Variants in PTPRM observed in about 807,000 individuals in gnomAD.
PTPRM encodes protein tyrosine phosphatase receptor type M.
A neutral mutation model predicts 186.7 loss-of-function variants in PTPRM; 47 were observed. That is an observed-to-expected ratio of 0.25 (90% confidence interval 0.20 to 0.32). The LOEUF is 0.32. Among genes scored for constraint, PTPRM ranks in the 10% least tolerant of loss-of-function variants. The pLI, the probability that PTPRM is intolerant of heterozygous loss-of-function variation, is 1.00. For missense variants in PTPRM, 1,494 were observed against 1,865.0 expected (o/e 0.80, Z 3.66); for synonymous variants, 668 against 674.9 (o/e 0.99, Z 0.16).
intron 2 of PTPRM, among the ~76,000 whole-genome samples, chr18:7,887,427 A>G (rs1236529053): frequency 3.9e-5 from 6 of 152,110 alleles, no homozygotes; most frequent in Non-Finnish European, 5.9e-5. Flanking sequence ...TGTTGTGAGA[A>G]CACCTCCACT....
At chr18:7,888,435 A>C in intron 3 of PTPRM, 58 bp downstream of exon 3, 1 of 1,480,050 alleles carries the variant, frequency 6.8e-7, no homozygotes, top group Non-Finnish European at 9.0e-7. Context: ...TAAAAATATA[A>C]ATTATTGTTA....
In PTPRM at chr18:7,769,476, A is replaced by G. The variant is rs142622243; in HGVS notation, c.74-4673A>G. Among the ~76,000 whole-genome samples, 299 of 152,268 alleles carry G rather than the reference A, an allele frequency of 2.0e-3. 2 individuals are homozygous for G. The highest frequency in any genetic ancestry group is 6.7e-3 in the African/African-American group (278 of 41,558). ...ATTTTATAGATACTGTAAATTTATGATCAGTCATATTTTCTTCTTTGCACT... is the reference window on the plus strand; with the variant it reads ...ATTTTATAGATACTGTAAATTTATGGTCAGTCATATTTTCTTCTTTGCACT... On this transcript the variant is annotated intron_variant, in intron 1 of 32. Coordinates refer to ENST00000580170, the MANE Select transcript of PTPRM (RefSeq NM_001105244.2).
In PTPRM at chr18:7,881,163, C is replaced by G. The variant is rs935527672; in HGVS notation, c.197-6943C>G. Among the ~76,000 whole-genome samples, 3 of 152,114 alleles carry G rather than the reference C, an allele frequency of 2.0e-5. No individual in the cohort carries two copies. In the East Asian group the frequency reaches 5.8e-4, roughly 29 times the overall value. On this transcript the variant is annotated intron_variant, in intron 2 of 32. Transcript: ENST00000580170. The stretch of plus-strand genomic sequence containing the variant: ...TAAAGAACAATATATTGGCGTGGCA[C>G]AGTGGCTCACATCTGTAATCACAGC...
chr18:7,938,600 A>G (rs999365694), intron 5 of PTPRM, among the ~76,000 whole-genome samples: 2 of 152,202 alleles, frequency 1.3e-5, no homozygotes, highest in Admixed American at 6.5e-5. Flanking sequence ...CAGAACTTCT[A>G]GTTTTGCTGG....
intron 4 of PTPRM, among the ~76,000 whole-genome samples, chr18:7,917,581 T>C (rs933732891): frequency 3.3e-5 from 5 of 152,146 alleles, no homozygotes; most frequent in African/African-American, 7.2e-5. Flanking sequence ...AGTGCATATT[T>C]GGGGGTACAT....
intron 14 of PTPRM, among the ~76,000 whole-genome samples, chr18:8,170,913 T>C (rs534693775): frequency 6.6e-6 from 1 of 152,320 alleles, no homozygotes. Flanking sequence ...CATTCATCCA[T>C]ACTTACTTCT....
chr18:8,205,605 G>C (rs1378783245), intron 14 of PTPRM, among the ~76,000 whole-genome samples: 1 of 152,142 alleles, frequency 6.6e-6, no homozygotes, highest in African/African-American at 2.4e-5. Context: ...GCTTGAGTTA[G>C]AAAAATAATT....
At chr18:8,280,410 T>TGGGGGGG (rs34651192) in intron 19 of PTPRM, among the ~76,000 whole-genome samples, 1 of 136,052 alleles carries the variant, frequency 7.4e-6, no homozygotes, top group Non-Finnish European at 1.6e-5. Context: ...TGGTCGGGGG[T>TGGGGGGG]GGGGGGGGGG....
intron 1 of PTPRM, among the ~76,000 whole-genome samples, chr18:7,755,588 TG>T (rs2041446039): frequency 6.6e-6 from 1 of 152,212 alleles, no homozygotes; most frequent in Non-Finnish European, 1.5e-5. Context: ...GTGCTATGTG[TG>T]TCATTTGGCT....
At chr18:8,063,438 C>A (rs778500019) in intron 7 of PTPRM, among the ~76,000 whole-genome samples, 8 of 152,116 alleles carry the variant, frequency 5.3e-5, no homozygotes, top group Non-Finnish European at 1.0e-4. Context: ...AGCTGTAGAC[C>A]GGAGCTGTTC....
intron 23 of PTPRM, among the ~76,000 whole-genome samples, chr18:8,358,680 C>G (rs955503745): frequency 6.6e-6 from 1 of 152,202 alleles, no homozygotes; most frequent in Admixed American, 6.5e-5. Flanking sequence ...AGAGGTATTA[C>G]ATAAGGTTGT....
At chr18:7,696,367 C>T (rs1367345421) in intron 1 of PTPRM, among the ~76,000 whole-genome samples, 3 of 152,066 alleles carry the variant, frequency 2.0e-5, no homozygotes, top group Admixed American at 6.6e-5. Flanking sequence ...TTTGAATTTT[C>T]GTAGAAACAG....
chr18:8,194,002 C>T (rs1387726691), intron 14 of PTPRM, among the ~76,000 whole-genome samples: 2 of 152,326 alleles, frequency 1.3e-5, no homozygotes, highest in South Asian at 2.1e-4. Flanking sequence ...GTTTTATCTT[C>T]GTGACACTCT....
chr18:8,338,326 TA>T (rs2095452614), intron 22 of PTPRM, among the ~76,000 whole-genome samples: 1 of 149,936 alleles, frequency 6.7e-6, no homozygotes. Flanking sequence ...AATGAAAACC[TA>T]GAAAGATACA....
At chr18:7,727,079 A>G (rs28722068) in intron 1 of PTPRM, among the ~76,000 whole-genome samples, 4,153 of 152,182 alleles carry the variant, frequency 0.027, 182 homozygotes, top group African/African-American at 0.093. Flanking sequence ...CTTCCTGTCA[A>G]TTAGAGCTGT....
At chr18:8,384,969 G>A (rs2095762538) in intron 30 of PTPRM, among the ~76,000 whole-genome samples, 1 of 152,228 alleles carries the variant, frequency 6.6e-6, no homozygotes, top group Non-Finnish European at 1.5e-5. Context: ...GGGTGAGAGA[G>A]AGTGGGCTCA....
At chr18:8,304,740 C>T (rs1568707433) in intron 20 of PTPRM, among the ~76,000 whole-genome samples, 1 of 149,818 alleles carries the variant, frequency 6.7e-6, no homozygotes, top group Non-Finnish European at 1.5e-5. Context: ...ATCTCACCAT[C>T]CAGATTCAAA....
rs1162157659 is a variant in PTPRM, at chr18:8,240,647, GAGAGAGAAAGAA to G, written c.2301-3407_2301-3396del. Reference sequence around the variant, plus strand: ...AGAGAGAGAGAGAGAGAGAGAGAGAGAGAGAGAAAGAAAGAAAGAAAGAAAGAAAGAAAAAGA... The same window carrying G: ...AGAGAGAGAGAGAGAGAGAGAGAGAGAGAAAGAAAGAAAGAAAGAAAAAGA... On this transcript the variant is annotated intron_variant, in intron 14 of 32. Transcript: ENST00000580170. Among the ~76,000 whole-genome samples the G allele has an allele frequency of 4.0e-3, 149 of 37,260 alleles. 4 individuals carry two copies. The highest frequency in any genetic ancestry group is 4.9e-3 in the Admixed American group (18 of 3,666). 24.4% of individuals were successfully genotyped at this position (37,260 alleles called of 152,430 possible).
chr18:7,981,278 A>G (rs1193113652), intron 7 of PTPRM, among the ~76,000 whole-genome samples: 1 of 152,040 alleles, frequency 6.6e-6, no homozygotes, highest in Non-Finnish European at 1.5e-5. Flanking sequence ...TTTTTTAAAC[A>G]TCTAATATCC....
Sources: allele counts gnomAD v4.1 joint callset (sites outside exome capture counted in the v4.1 genomes callset), GRCh38; gene constraint gnomAD v4.1.1; transcripts MANE v1.5; gene names NCBI Gene and HGNC (gene_info 2026-07-23, HGNC 2026-07-21).